RPS6KC1: variants seen among roughly 807,000 people sequenced by gnomAD.
RPS6KC1 encodes inactive ribosomal protein S6 kinase delta-1.
RPS6KC1 carries 54 observed loss-of-function variants against 103.8 expected under a neutral mutation model. The ratio of observed to expected loss-of-function variants is 0.52; its 90% CI spans 0.42 to 0.65. The LOEUF (loss-of-function observed/expected upper bound fraction) is 0.65. Ranked by LOEUF, RPS6KC1 falls within the 30% of genes least tolerant of loss-of-function variation. RPS6KC1 has a pLI of 0.00. For synonymous variants in RPS6KC1, 439 were observed against 438.7 expected, an observed-to-expected ratio of 1.00 and a Z score of -0.01; for missense variants, 1,151 against 1,253.8, an observed-to-expected ratio of 0.92 and a Z score of 1.24.
rs753697427 is a variant in RPS6KC1 at position 213,077,764 on chromosome 1, C to T, written c.210C>T (p.Asn70=). ...AAGAACTATGGCAAATTCACAAAAA[C>T]TTATTCCGACATTCAGAGTTGTTTC... ...LHKELWQIHK[N]LFRHSELFPP... Residue 70 remains asparagine (N), a synonymous_variant, in exon 3 of 15, where the codon AAC becomes AAT. Transcript: ENST00000366960. 7.7e-6 allele frequency: 12 copies of T among 1,564,660 alleles called. No homozygotes were observed. Among genetic ancestry groups the T allele is most frequent in the Non-Finnish European group, 9.6e-6 (11 of 1,147,560 alleles).
chr1:213,241,100 G>A lies in RPS6KC1; in HGVS notation c.1624G>A (p.Val542Ile). ...CTTCATGAAGACTGAAGGGAATGGT[G>A]TTGATACAAAAGCTATTAAAAGCTT... ...EPFMKTEGNG[V>I]DTKAIKSFPA... Residue 542 changes from valine (V) to isoleucine (I), a missense_variant, in exon 11 of 15, where the codon GTT becomes ATT. Around this residue, in one of 3 missense-constraint regions of RPS6KC1, gnomAD observed 959 missense variants for 1,006.3 expected, o/e 0.95. Transcript: ENST00000366960. The A allele has an allele frequency of 6.2e-7, 1 of 1,613,662 alleles. No homozygotes were observed. The highest frequency in any genetic ancestry group is 2.2e-5 in the East Asian group (1 of 44,850).
At chr1:213,206,076 A>G (rs2093341636) in intron 8 of RPS6KC1, among the ~76,000 whole-genome samples, 2 of 152,324 alleles carry the variant, frequency 1.3e-5, no homozygotes, top group South Asian at 2.1e-4. Context: ...TTTGAATACT[A>G]TATTTGGATT....
At chr1:213,640,856 C>T in the RPS6KC1 span, among the ~76,000 whole-genome samples, 2 of 150,988 alleles carry the variant, frequency 1.3e-5, no homozygotes, top group African/African-American at 4.9e-5. Context: ...AATGTATATT[C>T]TACTGGTTTT....
chr1:213,469,011 T>C, the RPS6KC1 span, among the ~76,000 whole-genome samples: 22 of 152,224 alleles, frequency 1.4e-4, no homozygotes, highest in Non-Finnish European at 2.4e-4. Context: ...CTTTCCCAGC[T>C]GTCCTTCCTA....
At chr1:213,254,314 G>C (rs61832476) in intron 12 of RPS6KC1, among the ~76,000 whole-genome samples, 5,125 of 152,242 alleles carry the variant, frequency 0.034, 117 homozygotes, top group Middle Eastern at 0.054. Context: ...TTAATCAGGA[G>C]CTGATTCTGT....
the RPS6KC1 span, among the ~76,000 whole-genome samples, chr1:213,356,690 G>A: frequency 1.3e-5 from 2 of 152,136 alleles, no homozygotes; most frequent in African/African-American, 4.8e-5. Flanking sequence ...CCTGCCCCCA[G>A]ATAACGTCAT....
the RPS6KC1 span, among the ~76,000 whole-genome samples, chr1:213,675,425 A>G: frequency 6.6e-6 from 1 of 152,166 alleles, no homozygotes; most frequent in Non-Finnish European, 1.5e-5. Context: ...CTTTAATCCA[A>G]CTTGAGTTAA....
chr1:213,540,064 GCTGACTGATCAGGGTGGTGGTT>G, the RPS6KC1 span, among the ~76,000 whole-genome samples: 108 of 135,252 alleles, frequency 8.0e-4, no homozygotes, highest in African/African-American at 3.0e-3. Context: ...ATTGATGGCT[GCTGACTGATCAGGGTGGTGGTT>G]CTGAAGGTTG....
chr1:213,546,191 A>T, the RPS6KC1 span: 1 of 152,242 alleles, frequency 6.6e-6, no homozygotes, highest in Admixed American at 6.5e-5. Context: ...TTTGTTGAGC[A>T]CTTACTCTGC....
chr1:213,108,172 C>T (rs965071133), intron 4 of RPS6KC1, among the ~76,000 whole-genome samples: 2 of 152,078 alleles, frequency 1.3e-5, no homozygotes, highest in Non-Finnish European at 2.9e-5. Flanking sequence ...TACCCAGGAA[C>T]TTTTCGAGTA....
intron 3 of RPS6KC1, among the ~76,000 whole-genome samples, chr1:213,098,322 T>G (rs1317377215): frequency 9.8e-6 from 1 of 102,038 alleles, no homozygotes; most frequent in Non-Finnish European, 2.1e-5. Context: ...TTTTTTTTTT[T>G]GTAGAGACGG....
chr1:213,720,605 T>C, the RPS6KC1 span, among the ~76,000 whole-genome samples: 1 of 152,278 alleles, frequency 6.6e-6, no homozygotes, highest in South Asian at 2.1e-4. Context: ...GGAGAACTTG[T>C]TTTAGGTACA....
At chr1:213,793,824 G>C in the RPS6KC1 span, among the ~76,000 whole-genome samples, 1 of 152,144 alleles carries the variant, frequency 6.6e-6, no homozygotes, top group Non-Finnish European at 1.5e-5. Context: ...ACTAAAGTAG[G>C]ACTTTAAAGG....
At chr1:213,368,815 C>T in the RPS6KC1 span, among the ~76,000 whole-genome samples, 1 of 152,208 alleles carries the variant, frequency 6.6e-6, no homozygotes, top group African/African-American at 2.4e-5. Flanking sequence ...GAGGTGTTCT[C>T]AGCCTGCGGC....
the RPS6KC1 span, among the ~76,000 whole-genome samples, chr1:213,695,427 C>G: frequency 6.6e-6 from 1 of 152,158 alleles, no homozygotes. Flanking sequence ...GGCAACCCCA[C>G]TGAGGGCCAG....
chr1:213,843,777 G>T, the RPS6KC1 span, among the ~76,000 whole-genome samples: 2 of 152,164 alleles, frequency 1.3e-5, no homozygotes, highest in African/African-American at 4.8e-5. Context: ...TTCAATAAGA[G>T]AAAGATGATT....
At chr1:213,409,562 A>G in the RPS6KC1 span, among the ~76,000 whole-genome samples, 1 of 152,198 alleles carries the variant, frequency 6.6e-6, no homozygotes, top group African/African-American at 2.4e-5. Flanking sequence ...TTTGTGGTTG[A>G]AAGAAAAGGA....
At chr1:213,210,338 G>A (rs1412416568) in intron 8 of RPS6KC1, among the ~76,000 whole-genome samples, 2 of 152,148 alleles carry the variant, frequency 1.3e-5, no homozygotes, top group African/African-American at 2.4e-5. Context: ...TACTTGTTGA[G>A]TAAGTTTGAA....
the RPS6KC1 span, among the ~76,000 whole-genome samples, chr1:213,795,796 T>C: frequency 6.7e-6 from 1 of 148,640 alleles, no homozygotes; most frequent in Admixed American, 6.6e-5. Flanking sequence ...CTCTTGTGCT[T>C]ATGCCCCAAA....
Sources: gnomAD v4.1 joint callset for allele counts (sites outside exome capture counted in the v4.1 genomes callset) on GRCh38, gnomAD v4.1.1 for gene constraint, gnomAD v4.1.1 regional missense constraint, MANE v1.5 for transcripts, NCBI Gene and HGNC (gene_info 2026-07-23, HGNC 2026-07-21) for gene names.